CAST: variants seen among roughly 807,000 people sequenced by gnomAD.
CAST encodes calpastatin.
A neutral mutation model predicts 119.6 loss-of-function variants in CAST; 76 were observed. That is an observed-to-expected ratio of 0.64 (90% CI 0.53 to 0.77). The LOEUF is 0.77. CAST is among the 30% of genes least tolerant of loss of function. CAST has a pLI of 0.00. For missense variants in CAST, 953 were observed against 946.5 expected (o/e 1.01, Z -0.09); for synonymous variants, 319 against 331.6 (o/e 0.96, Z 0.41).
the CAST span, among the ~76,000 whole-genome samples, chr5:96,344,266 G>A: frequency 2.0e-5 from 3 of 152,270 alleles, no homozygotes; most frequent in East Asian, 5.8e-4. Flanking sequence ...GATGAGGAAG[G>A]AATCAAGGAT....
chr5:96,182,520 T>C, the CAST span, among the ~76,000 whole-genome samples: 1 of 152,218 alleles, frequency 6.6e-6, no homozygotes, highest in African/African-American at 2.4e-5. Context: ...TGGGGAAAGA[T>C]GAATTGATTT....
At chr5:96,268,473 G>A in the CAST span, among the ~76,000 whole-genome samples, 1 of 152,130 alleles carries the variant, frequency 6.6e-6, no homozygotes, top group Non-Finnish European at 1.5e-5. Flanking sequence ...AGTTACTTGG[G>A]AGGCTGAGAC....
the CAST span, among the ~76,000 whole-genome samples, chr5:96,089,691 A>G: frequency 6.6e-6 from 1 of 152,200 alleles, no homozygotes; most frequent in Non-Finnish European, 1.5e-5. Flanking sequence ...TTCTTGACAT[A>G]CTATTACCAA....
chr5:96,575,604 T>G (rs1270176758), intron 1 of CAST, among the ~76,000 whole-genome samples: 1 of 152,104 alleles, frequency 6.6e-6, no homozygotes, highest in Non-Finnish European at 1.5e-5. Flanking sequence ...TTATTATGAA[T>G]GAGCATTGGA....
At chr5:96,771,775 G>A in intron 31 of CAST, 73 bp downstream of exon 31, 1 of 898,130 alleles carries the variant, frequency 1.1e-6, no homozygotes, top group Non-Finnish European at 1.8e-6. Context: ...GATGAGAGAA[G>A]TGAAGTCCAC....
At chr5:96,324,750 G>T in the CAST span, among the ~76,000 whole-genome samples, 5 of 152,118 alleles carry the variant, frequency 3.3e-5, no homozygotes, top group East Asian at 7.7e-4. Flanking sequence ...TGTGTTATTT[G>T]AGAACTCATT....
At chr5:96,681,173 GGAGC>G (rs1408102864) in intron 2 of CAST, among the ~76,000 whole-genome samples, 2 of 151,726 alleles carry the variant, frequency 1.3e-5, no homozygotes, top group African/African-American at 2.4e-5. Flanking sequence ...TTTCAGGGAG[GGAGC>G]ACAATGATGA....
chr5:96,366,002 A>G, the CAST span, among the ~76,000 whole-genome samples: 1 of 151,938 alleles, frequency 6.6e-6, no homozygotes, highest in Non-Finnish European at 1.5e-5. Context: ...TTCCTTCAGG[A>G]GCTCTTTTAG....
At chr5:96,640,451 G>C (rs889601194) in intron 1 of CAST, among the ~76,000 whole-genome samples, 1 of 152,178 alleles carries the variant, frequency 6.6e-6, no homozygotes, top group African/African-American at 2.4e-5. Context: ...CAACCTTTAT[G>C]CTTTACTCTT....
chr5:96,145,532 AT>A, the CAST span, among the ~76,000 whole-genome samples: 3 of 151,842 alleles, frequency 2.0e-5, no homozygotes, highest in Admixed American at 6.6e-5. Flanking sequence ...AACAACTTAC[AT>A]TTTTTTTAAT....
chr5:96,018,101 C>A, the CAST span, among the ~76,000 whole-genome samples: 1 of 152,096 alleles, frequency 6.6e-6, no homozygotes, highest in Non-Finnish European at 1.5e-5. Context: ...TCCTCTTCTG[C>A]AAGAAGTTTG....
At chr5:96,422,511 A>ACT in the CAST span, among the ~76,000 whole-genome samples, 1 of 152,040 alleles carries the variant, frequency 6.6e-6, no homozygotes, top group African/African-American at 2.4e-5. Context: ...CCCTTTTCCA[A>ACT]CCCAATAGCT....
the CAST span, among the ~76,000 whole-genome samples, chr5:96,056,489 A>G: frequency 2.0e-5 from 3 of 152,172 alleles, no homozygotes; most frequent in African/African-American, 7.2e-5. Context: ...TTAAATTCAC[A>G]CAGATGGGTT....
At chr5:96,030,902 CAT>C in the CAST span, among the ~76,000 whole-genome samples, 1,249 of 152,212 alleles carry the variant, frequency 8.2e-3, 16 homozygotes, top group African/African-American at 0.028. Flanking sequence ...ACAAATAAAA[CAT>C]GTGTGCTCTT....
chr5:96,666,637 G>A (rs777066520), intron 1 of CAST, among the ~76,000 whole-genome samples: 3 of 152,188 alleles, frequency 2.0e-5, no homozygotes, highest in Non-Finnish European at 2.9e-5. Context: ...GAAACATAGA[G>A]GTCAAATACA....
the CAST span, among the ~76,000 whole-genome samples, chr5:96,002,733 G>A: frequency 6.6e-6 from 1 of 152,164 alleles, no homozygotes; most frequent in East Asian, 1.9e-4. Flanking sequence ...ATTGGATAAG[G>A]CGTTGTTAAA....
chr5:96,692,045 C>T (rs189228883), intron 2 of CAST, among the ~76,000 whole-genome samples: 1 of 152,186 alleles, frequency 6.6e-6, no homozygotes, highest in Non-Finnish European at 1.5e-5. Context: ...GCAACTAATT[C>T]TTTTCATGCC....
the CAST span, among the ~76,000 whole-genome samples, chr5:96,045,234 TA>T: frequency 5.9e-5 from 9 of 152,038 alleles, no homozygotes; most frequent in East Asian, 1.7e-3. Flanking sequence ...GCGCCTGTAA[TA>T]CCAGCTACTC....
chr5:96,323,571 C>T, the CAST span, among the ~76,000 whole-genome samples: 2 of 152,144 alleles, frequency 1.3e-5, no homozygotes, highest in Non-Finnish European at 2.9e-5. Context: ...ACAATTCCTT[C>T]CATATTTTTC....
Sources: allele counts gnomAD v4.1 joint callset (sites outside exome capture counted in the v4.1 genomes callset), GRCh38; gene constraint gnomAD v4.1.1; transcripts MANE v1.5; gene names NCBI Gene and HGNC (gene_info 2026-07-23, HGNC 2026-07-21).